Variants in DLGAP2 observed in about 807,000 individuals in gnomAD.
The protein encoded by DLGAP2 is disks large-associated protein 2.
A neutral mutation model predicts 100.3 loss-of-function variants in DLGAP2; 26 were observed. The observed-to-expected ratio is 0.26, with a 90% CI of 0.19 to 0.36. The LOEUF (loss-of-function observed/expected upper bound fraction) is 0.36. Among genes scored for constraint, DLGAP2 ranks in the 10% least tolerant of loss-of-function variants. The pLI, the probability that DLGAP2 is intolerant of heterozygous loss-of-function variation, is 1.00. For missense variants in DLGAP2, 1,858 were observed against 1,453.2 expected, an observed-to-expected ratio of 1.28 and a Z score of -4.53; for synonymous variants, 886 against 630.1, an observed-to-expected ratio of 1.41 and a Z score of -6.08.
At chr8:1,657,203 C>T (rs1798304387) in intron 8 of DLGAP2, among the ~76,000 whole-genome samples, 1 of 152,118 alleles carries the variant, frequency 6.6e-6, no homozygotes, top group African/African-American at 2.4e-5. Flanking sequence ...TATATAATCC[C>T]ATGTGGTTGT....
chr8:782,948 G>A (rs1188340899), intron 1 of DLGAP2, among the ~76,000 whole-genome samples: 1 of 152,174 alleles, frequency 6.6e-6, no homozygotes, highest in Non-Finnish European at 1.5e-5. Flanking sequence ...TGTGCTGACT[G>A]ACCCGGGAAA....
At chr8:824,062 C>G (rs1157864927) in intron 1 of DLGAP2, among the ~76,000 whole-genome samples, 1 of 150,746 alleles carries the variant, frequency 6.6e-6, no homozygotes, top group African/African-American at 2.4e-5. Context: ...CTTCTTCTTC[C>G]TCCTCTTCCT....
At chr8:1,185,796 G>A (rs1797490999) in intron 2 of DLGAP2, among the ~76,000 whole-genome samples, 2 of 151,916 alleles carry the variant, frequency 1.3e-5, no homozygotes, top group South Asian at 2.1e-4. Context: ...AACCAAGGCT[G>A]GTGGAAGAAC....
intron 3 of DLGAP2, among the ~76,000 whole-genome samples, chr8:1,417,713 C>CA (rs1563134312): frequency 0.011 from 1,683 of 147,128 alleles, 234 homozygotes; most frequent in Middle Eastern, 0.018. Context: ...CTGCCTCACT[C>CA]GGCGAGGCTC....
chr8:1,500,851 C>A (rs1017628811), intron 3 of DLGAP2, among the ~76,000 whole-genome samples: 2 of 152,328 alleles, frequency 1.3e-5, no homozygotes, highest in East Asian at 3.9e-4. Flanking sequence ...CAAAGTGGAC[C>A]TAATATGAAC....
In DLGAP2 at chr8:1,287,284, T is replaced by G. The variant is rs1799946698; in HGVS notation, c.106+28401T>G. 3.9e-3 allele frequency among the ~76,000 whole-genome samples: 67 copies of G among 17,146 alleles called. 3 individuals are homozygous for G. Among genetic ancestry groups the G allele is most frequent in the East Asian group, 6.9e-3 (6 of 864 alleles). 11.2% of individuals were successfully genotyped at this position (17,146 alleles called of 152,430 possible). The stretch of plus-strand genomic sequence containing the variant: ...GTTCAGCGTGTGTGTGTGTGTGTGG[T>G]TGTTAGGAGGGGAACTAGTTTCGGT... On this transcript the variant is annotated intron_variant, in intron 3 of 14. Coordinates refer to ENST00000637795, the MANE Select transcript of DLGAP2 (RefSeq NM_001346810.2).
intron 3 of DLGAP2, among the ~76,000 whole-genome samples, chr8:1,280,795 G>C (rs1585218933): frequency 6.6e-6 from 1 of 152,186 alleles, no homozygotes; most frequent in Admixed American, 6.5e-5. Context: ...CGTGTTTGCA[G>C]ATGTCACCTG....
intron 12 of DLGAP2, among the ~76,000 whole-genome samples, chr8:1,683,912 G>GTA (rs1222044835): frequency 1.2e-4 from 13 of 106,994 alleles, no homozygotes; most frequent in East Asian, 5.8e-4. Context: ...ACATATATGT[G>GTA]TATATATATA....
intron 3 of DLGAP2, among the ~76,000 whole-genome samples, chr8:1,323,161 C>G (rs928775137): frequency 1.3e-5 from 2 of 151,970 alleles, no homozygotes; most frequent in Non-Finnish European, 2.9e-5. Context: ...TCCTGAGTAG[C>G]TGGGACTACA....
chr8:1,068,364 G>C (rs370386787), intron 2 of DLGAP2, among the ~76,000 whole-genome samples: 124 of 152,348 alleles, frequency 8.1e-4, no homozygotes, highest in African/African-American at 2.9e-3. Context: ...GCTTAGTTTT[G>C]TAAGAAACCA....
intron 2 of DLGAP2, among the ~76,000 whole-genome samples, chr8:977,207 G>A (rs1800188060): frequency 6.6e-6 from 1 of 152,208 alleles, no homozygotes; most frequent in Non-Finnish European, 1.5e-5. Context: ...CAGCCCTACA[G>A]TGGGCAGAGA....
intron 2 of DLGAP2, among the ~76,000 whole-genome samples, chr8:1,208,403 A>G (rs1798039488): frequency 6.6e-6 from 1 of 152,216 alleles, no homozygotes; most frequent in South Asian, 2.1e-4. Context: ...CAGTTGCAGA[A>G]AAAGCATTTG....
intron 3 of DLGAP2, among the ~76,000 whole-genome samples, chr8:1,309,337 C>A (rs1335754847): frequency 1.3e-5 from 2 of 151,968 alleles, no homozygotes; most frequent in Non-Finnish European, 2.9e-5. Flanking sequence ...AAGAGAAAAT[C>A]CCAAAAGCAG....
chr8:1,474,131 T>C lies in DLGAP2; in HGVS notation c.107-27235T>C, dbSNP rs1289565510. On this transcript the variant is annotated intron_variant, in intron 3 of 14. Transcript: ENST00000637795. The stretch of plus-strand genomic sequence containing the variant: ...CCCTCTTACAAGCAAGAACATTCAA[T>C]ATTTGGCTTTCCATTCCTGAGTTAC... Among the ~76,000 whole-genome samples, 3 of 152,320 alleles carry C rather than the reference T, an allele frequency of 2.0e-5. No homozygotes were observed. The East Asian group carries it at 5.8e-4, about 29-fold the overall frequency.
intron 1 of DLGAP2, among the ~76,000 whole-genome samples, chr8:790,043 C>T (rs755855193): frequency 3.9e-5 from 6 of 152,082 alleles, no homozygotes; most frequent in Non-Finnish European, 5.9e-5. Flanking sequence ...CAGTGCAGTG[C>T]GTGTGAAATA....
intron 3 of DLGAP2, among the ~76,000 whole-genome samples, chr8:1,324,647 G>A (rs376354389): frequency 6.6e-6 from 1 of 152,146 alleles, no homozygotes. Context: ...AAGCGCCTTT[G>A]GACTGGAATT....
intron 1 of DLGAP2, among the ~76,000 whole-genome samples, chr8:822,365 A>G (rs889374368): frequency 6.6e-6 from 1 of 151,856 alleles, no homozygotes; most frequent in Non-Finnish European, 1.5e-5. Flanking sequence ...GGGTATGGTA[A>G]GGCCGGGGGT....
intron 2 of DLGAP2, among the ~76,000 whole-genome samples, chr8:1,058,627 T>A (rs1300079632): frequency 2.6e-5 from 4 of 152,202 alleles, no homozygotes; most frequent in Non-Finnish European, 4.4e-5. Flanking sequence ...CTGGTTAAAA[T>A]CCAAGTTTCT....
chr8:1,370,806 C>T (rs1245147082), intron 3 of DLGAP2, among the ~76,000 whole-genome samples: 1 of 152,194 alleles, frequency 6.6e-6, no homozygotes, highest in African/African-American at 2.4e-5. Flanking sequence ...AAGTTCCACT[C>T]CTCTGTTTCT....
Sources: allele counts gnomAD v4.1 joint callset (sites outside exome capture counted in the v4.1 genomes callset), GRCh38; gene constraint gnomAD v4.1.1; transcripts MANE v1.5; gene names NCBI Gene and HGNC (gene_info 2026-07-23, HGNC 2026-07-21).